Variants in UGT2A1 observed in about 807,000 individuals in gnomAD.
UGT2A1 encodes the protein UDP-glucuronosyltransferase 2A1.
Under a neutral mutation model 45.4 loss-of-function variants are expected in UGT2A1, and 61 were observed. The observed-to-expected ratio is 1.34, with a 90% CI of 1.09 to 1.66. The LOEUF (loss-of-function observed/expected upper bound fraction) is 1.66, where lower values mean the gene tolerates loss of function less well. UGT2A1 is among the 40% of genes most tolerant of loss of function. UGT2A1 has a pLI of 0.00. For synonymous variants in UGT2A1, 229 were observed against 196.2 expected (o/e 1.17, Z -1.40); for missense variants, 649 against 574.3 (o/e 1.13, Z -1.33).
At chr4:69,606,096 C>A (rs1719594205) in intron 3 of UGT2A1, among the ~76,000 whole-genome samples, 1 of 126,732 alleles carries the variant, frequency 7.9e-6, no homozygotes, top group Non-Finnish European at 1.7e-5. Flanking sequence ...ATCCTGATAT[C>A]AAAGCCTGGC....
chr4:69,612,618 A>G (rs1213110441), intron 3 of UGT2A1, among the ~76,000 whole-genome samples: 2 of 152,056 alleles, frequency 1.3e-5, no homozygotes, highest in Non-Finnish European at 2.9e-5. Context: ...GACAAAAACA[A>G]GAAATAGGGA....
chr4:69,640,392 T>C (rs1192248473), intron 2 of UGT2A1, among the ~76,000 whole-genome samples: 1 of 151,952 alleles, frequency 6.6e-6, no homozygotes, highest in Non-Finnish European at 1.5e-5. Context: ...AAGAGCGTAG[T>C]AATGTTAGCG....
intron 3 of UGT2A1, among the ~76,000 whole-genome samples, chr4:69,630,243 C>T (rs17618178): frequency 0.26 from 39,829 of 151,892 alleles, 5,644 homozygotes; most frequent in African/African-American, 0.34. Context: ...GGCTACGATT[C>T]ATTTTTTTCT....
chr4:69,605,675 G>C lies in UGT2A1; in HGVS notation c.848-6281C>G, dbSNP rs554937660. Among the ~76,000 whole-genome samples, 32 of 136,104 alleles carry C rather than the reference G, an allele frequency of 2.4e-4. 6 individuals are homozygous for C. The highest frequency in any genetic ancestry group is 9.5e-4 in the African/African-American group (32 of 33,556). The allele number at this position is 136,104 out of a possible 152,430, so 89.3% of individuals were successfully genotyped here. On this transcript the variant is annotated intron_variant, in intron 3 of 6. Transcript: ENST00000286604. ...GATCAACCAAACTGATAGACCACTAGCAAGACTAATAAAGAAGAAAAGAGA... is the reference window on the plus strand; with the variant it reads ...GATCAACCAAACTGATAGACCACTACCAAGACTAATAAAGAAGAAAAGAGA...
At chr4:69,607,862 A>G (rs1297543721) in intron 3 of UGT2A1, among the ~76,000 whole-genome samples, 1 of 152,210 alleles carries the variant, frequency 6.6e-6, no homozygotes, top group East Asian at 1.9e-4. Flanking sequence ...AAACAAAACC[A>G]CAATGAGATA....
intron 3 of UGT2A1, among the ~76,000 whole-genome samples, chr4:69,613,253 T>C (rs6848997): frequency 0.18 from 27,597 of 151,828 alleles, 2,847 homozygotes; most frequent in Non-Finnish European, 0.24. Flanking sequence ...AACAGATACC[T>C]AGACATATAT....
At chr4:69,602,112 T>C (rs115342517) in intron 3 of UGT2A1, among the ~76,000 whole-genome samples, 2,359 of 136,316 alleles carry the variant, frequency 0.017, 623 homozygotes, top group African/African-American at 0.068. Context: ...TATGAAAAAG[T>C]TGGACTCATT....
intron 2 of UGT2A1, among the ~76,000 whole-genome samples, chr4:69,646,526 T>C (rs1448143869): frequency 1.3e-5 from 2 of 151,874 alleles, no homozygotes; most frequent in African/African-American, 2.4e-5. Flanking sequence ...CATATATGTA[T>C]GTTCTTAAAC....
At chr4:69,652,879 G>A (rs1185492749) in intron 1 of UGT2A1, among the ~76,000 whole-genome samples, 2 of 152,102 alleles carry the variant, frequency 1.3e-5, no homozygotes. Flanking sequence ...CTCTCCACTG[G>A]TAGGAACAAA....
intron 2 of UGT2A1, chr4:69,639,615 A>G (rs756150470): frequency 1.9e-6 from 3 of 1,598,498 alleles, no homozygotes; most frequent in African/African-American, 2.7e-5. Context: ...CTTCTTAGGC[A>G]TGGTAAAATC....
Position 69,604,831 on chromosome 4 carries a change from T to C in UGT2A1, c.848-5437A>G, listed in dbSNP as rs1005863678. Among the ~76,000 whole-genome samples the C allele has an allele frequency of 7.3e-5, 10 of 136,796 alleles. 2 individuals are homozygous for C. The highest frequency in any genetic ancestry group is 1.4e-4 in the Non-Finnish European group (9 of 64,288). 89.7% of individuals were successfully genotyped at this position (136,796 alleles called of 152,430 possible). A position where few individuals can be genotyped will look rare whatever the true frequency, so the allele number is the denominator to read the frequency against. Reference sequence around the variant, plus strand: ...GATCAAAAGAGACAAAGAAGGCCATTACATAATGGTAAAAGGATCAATTCA... The same window carrying C: ...GATCAAAAGAGACAAAGAAGGCCATCACATAATGGTAAAAGGATCAATTCA... On this transcript the variant is annotated intron_variant, in intron 3 of 6. Coordinates refer to ENST00000286604, the MANE Select transcript of UGT2A1 (RefSeq NM_001252275.3).
intron 3 of UGT2A1, among the ~76,000 whole-genome samples, chr4:69,621,487 A>C (rs1720753366): frequency 1.3e-5 from 2 of 152,134 alleles, no homozygotes; most frequent in Non-Finnish European, 2.9e-5. Flanking sequence ...TTTTATTAAA[A>C]AGTAAAAAAA....
Position 69,595,193 on chromosome 4 carries a change from G to C in UGT2A1, c.1053C>G (p.Leu351=), listed in dbSNP as rs1718848296. ...GATCATTCTGGGGTATCCAATCAAA[G>C]AGCTGAGTATTGTTTCCTAATGTGG... is the stretch of plus-strand genomic sequence containing the variant. ...KPATLGNNTQ[L]FDWIPQNDLL... Residue 351 remains leucine, a synonymous_variant, in exon 5 of 7, where the codon CTC becomes CTG. Transcript: ENST00000286604. The C allele has an allele frequency of 1.2e-6, 2 of 1,613,802 alleles. No individual in the cohort carries two copies. The highest frequency in any genetic ancestry group is 1.7e-6 in the Non-Finnish European group (2 of 1,179,862).
chr4:69,604,485 A>G (rs1047325555), intron 3 of UGT2A1, among the ~76,000 whole-genome samples: 4 of 136,976 alleles, frequency 2.9e-5, no homozygotes, highest in Admixed American at 7.2e-5. Context: ...TGTACAGACC[A>G]TCGAGGCTAG....
chr4:69,639,244 G>T, intron 2 of UGT2A1: 1 of 1,613,636 alleles, frequency 6.2e-7, no homozygotes, highest in African/African-American at 1.3e-5. Context: ...TCACAGAGTT[G>T]TATGTTAATT....
At chr4:69,627,560 GAGAGAGAA>G (rs1172467919) in intron 3 of UGT2A1, among the ~76,000 whole-genome samples, 3 of 142,748 alleles carry the variant, frequency 2.1e-5, no homozygotes, top group Non-Finnish European at 4.7e-5. Context: ...GAGAGAGAGA[GAGAGAGAA>G]AGAAAGAGAG....
intron 3 of UGT2A1, among the ~76,000 whole-genome samples, chr4:69,613,194 T>C (rs72637470): frequency 0.12 from 18,092 of 151,660 alleles, 1,454 homozygotes; most frequent in Non-Finnish European, 0.18. Context: ...AACAGACATA[T>C]AGACATATAA....
chr4:69,626,554 G>T (rs1302242601), intron 3 of UGT2A1, among the ~76,000 whole-genome samples: 3 of 151,510 alleles, frequency 2.0e-5, no homozygotes, highest in Non-Finnish European at 3.0e-5. Flanking sequence ...TGGGTGATGG[G>T]ATTATTCATC....
chr4:69,605,985 A>T (rs1314011349), intron 3 of UGT2A1, among the ~76,000 whole-genome samples: 1 of 136,918 alleles, frequency 7.3e-6, no homozygotes, highest in Non-Finnish European at 1.6e-5. Flanking sequence ...GCTGAATTCT[A>T]CCAGAAGTAC....
Sources: gnomAD v4.1 joint callset for allele counts (sites outside exome capture counted in the v4.1 genomes callset) on GRCh38, gnomAD v4.1.1 for gene constraint, MANE v1.5 for transcripts, NCBI Gene and HGNC (gene_info 2026-07-23, HGNC 2026-07-21) for gene names.